GLB1: variants seen among roughly 807,000 people sequenced by gnomAD.
GLB1 encodes beta-galactosidase.
A neutral mutation model predicts 74.0 loss-of-function variants in GLB1; 56 were observed. That is an observed-to-expected ratio of 0.76 (90% CI 0.61 to 0.94). The LOEUF is 0.94. GLB1 is among the 40% of genes least tolerant of loss of function. The pLI is 0.00. For missense variants in GLB1, 787 were observed against 845.5 expected (o/e 0.93, Z 0.86); for synonymous variants, 323 against 323.6 (o/e 1.00, Z 0.02).
intron 1 of GLB1, among the ~76,000 whole-genome samples, chr3:33,083,857 A>G (rs1217290123): frequency 6.6e-6 from 1 of 152,228 alleles, no homozygotes; most frequent in Non-Finnish European, 1.5e-5. Context: ...AAAAAATTAA[A>G]CATAACACAA....
At position 33,077,183 on chromosome 3, in the gene GLB1, G is replaced by A. The variant is rs750044903; in HGVS notation, c.76-4470C>T. On this transcript the variant is annotated intron_variant, in intron 1 of 15. Transcript: ENST00000307363. ...TTGGTACCTCTTTTGTGAAGCGGCA[G>A]CTGAGACTTAGGCGCTTGCCGTGGC... 4 of 1,479,172 alleles carry A rather than the reference G, an allele frequency of 2.7e-6. No homozygotes were observed. The East Asian group carries it at 1.1e-4, about 40-fold the overall frequency. The allele number at this position is 1,479,172 out of a possible 1,614,324, so 91.6% of individuals were successfully genotyped here.
chr3:33,079,987 T>C (rs563964966), intron 1 of GLB1, among the ~76,000 whole-genome samples: 3 of 152,230 alleles, frequency 2.0e-5, no homozygotes, highest in African/African-American at 7.2e-5. Flanking sequence ...TCTCACTATG[T>C]TGCCCAGGCT....
intron 15 of GLB1, among the ~76,000 whole-genome samples, chr3:33,011,448 TA>T (rs63030461): frequency 0.072 from 10,262 of 142,980 alleles, 514 homozygotes; most frequent in East Asian, 0.25. Flanking sequence ...CCAATAAAAA[TA>T]AAAAAAAAAC....
chr3:32,967,183 C>G, the GLB1 span, among the ~76,000 whole-genome samples: 5 of 152,162 alleles, frequency 3.3e-5, no homozygotes, highest in East Asian at 1.9e-4. Context: ...AAGGAAGAAG[C>G]AAAATTATCT....
At chr3:32,996,014 T>G (rs1379433594), downstream of GLB1, among the ~76,000 whole-genome samples, 1 of 152,216 alleles carries the variant, frequency 6.6e-6, no homozygotes, top group South Asian at 2.1e-4. Flanking sequence ...TATTTATGTA[T>G]GCAATGTGTA....
the GLB1 span, among the ~76,000 whole-genome samples, chr3:32,961,826 A>G: frequency 6.6e-6 from 1 of 152,226 alleles, no homozygotes; most frequent in Admixed American, 6.5e-5. Flanking sequence ...AGCTAAAAAT[A>G]GGAAGGAACG....
intron 10 of GLB1, 77 bp from the exon 11 acceptor site, chr3:33,024,402 A>G (rs1390461836): frequency 6.8e-7 from 1 of 1,470,956 alleles, no homozygotes; most frequent in African/African-American, 1.4e-5. Context: ...AAAATTTATT[A>G]TTTGAAAGCA....
intron 1 of GLB1, among the ~76,000 whole-genome samples, chr3:33,082,658 G>A (rs1219546177): frequency 1.3e-5 from 2 of 152,184 alleles, no homozygotes; most frequent in Non-Finnish European, 2.9e-5. Context: ...TGCGATTAAT[G>A]TTCTAATCTT....
chr3:33,068,552 T>C (rs1193880297), intron 3 of GLB1, among the ~76,000 whole-genome samples: 1 of 152,044 alleles, frequency 6.6e-6, no homozygotes, highest in African/African-American at 2.4e-5. Flanking sequence ...ACAAATACCC[T>C]GTGACGTAGA....
chr3:33,035,050 T>C (rs1439101172), intron 10 of GLB1, among the ~76,000 whole-genome samples: 1 of 151,504 alleles, frequency 6.6e-6, no homozygotes, highest in East Asian at 1.9e-4. Context: ...AATAAAGTCA[T>C]ATTGCTTATT....
intron 15 of GLB1, among the ~76,000 whole-genome samples, chr3:32,999,400 C>T (rs1443021269): frequency 6.6e-6 from 1 of 152,164 alleles, no homozygotes; most frequent in Non-Finnish European, 1.5e-5. Flanking sequence ...GAATGGCACG[C>T]ACCACACAGG....
chr3:32,963,120 T>C, the GLB1 span, among the ~76,000 whole-genome samples: 1 of 152,126 alleles, frequency 6.6e-6, no homozygotes, highest in African/African-American at 2.4e-5. Flanking sequence ...TCTAGTTTAG[T>C]ATGAGATCAA....
chr3:32,964,443 C>G, the GLB1 span, among the ~76,000 whole-genome samples: 1 of 152,096 alleles, frequency 6.6e-6, no homozygotes, highest in Admixed American at 6.6e-5. Flanking sequence ...TAATCTGAGT[C>G]CTTAAGAACT....
chr3:32,970,878 G>A, the GLB1 span, among the ~76,000 whole-genome samples: 21 of 152,088 alleles, frequency 1.4e-4, no homozygotes, highest in South Asian at 6.2e-4. Context: ...ATATTAAATC[G>A]GAGAGAGAAA....
chr3:33,003,617 T>C (rs1696666529), intron 15 of GLB1, among the ~76,000 whole-genome samples: 1 of 152,132 alleles, frequency 6.6e-6, no homozygotes, highest in Non-Finnish European at 1.5e-5. Flanking sequence ...AACTGCAAAT[T>C]AGACAAAAAA....
chr3:32,985,977 G>T, the GLB1 span, among the ~76,000 whole-genome samples: 1 of 152,206 alleles, frequency 6.6e-6, no homozygotes, highest in South Asian at 2.1e-4. Flanking sequence ...CTCCCAAAGT[G>T]CTGGGATTAC....
At chr3:32,983,450 G>C in the GLB1 span, among the ~76,000 whole-genome samples, 1 of 151,944 alleles carries the variant, frequency 6.6e-6, no homozygotes, top group African/African-American at 2.4e-5. Context: ...GTGCTATTTT[G>C]TTCTTTTGCA....
In GLB1 at chr3:33,051,818, C is replaced by A; in HGVS notation, c.915-20G>T. 1 of 1,614,136 alleles carries A rather than the reference C, an allele frequency of 6.2e-7. No individual in the cohort carries two copies. Among genetic ancestry groups the A allele is most frequent in the South Asian group, 1.1e-5 (1 of 91,086 alleles). On this transcript the variant is annotated intron_variant, in intron 8 of 15. Coordinates refer to ENST00000307363, the MANE Select transcript of GLB1 (RefSeq NM_000404.4). ...ATGTACCTACAAGGAAACAAAAGAA[C>A]ACGGTACTTCACTGTGAGCCCATGG...
Position 33,059,387 on chromosome 3 carries a change from G to T in GLB1, c.553-1118C>A, listed in dbSNP as rs559926185. The stretch of plus-strand genomic sequence containing the variant: ...AAAAAGTTTAAAAGGGATCCTTGGG[G>T]GCAATGATGAAAAAATCAGGTTAAG... On this transcript the variant is annotated intron_variant, in intron 5 of 15. Transcript: ENST00000307363. 9.9e-5 allele frequency among the ~76,000 whole-genome samples: 15 copies of T among 152,082 alleles called. No individual in the cohort carries two copies. In the South Asian group the frequency reaches 3.1e-3, roughly 32 times the overall value.
Sources: gnomAD v4.1 joint callset for allele counts (sites outside exome capture counted in the v4.1 genomes callset) on GRCh38, gnomAD v4.1.1 for gene constraint, MANE v1.5 for transcripts, NCBI Gene and HGNC (gene_info 2026-07-23, HGNC 2026-07-21) for gene names.